XKR5: variants seen among roughly 807,000 people sequenced by gnomAD.
XKR5 encodes XK-related protein 5.
XKR5 carries 46 observed loss-of-function variants against 40.8 expected under a neutral mutation model. The observed-to-expected ratio is 1.13, with a 90% confidence interval of 0.89 to 1.44. XKR5 has a LOEUF of 1.44. XKR5 is among the 40% of genes most tolerant of loss of function. The pLI is 0.00. For synonymous variants in XKR5, 466 were observed against 356.1 expected (o/e 1.31, Z -3.48); for missense variants, 1,169 against 844.7 (o/e 1.38, Z -4.76).
chr8:6,813,454 G>C (rs143431369), intron 6 of XKR5, among the ~76,000 whole-genome samples: 6 of 152,306 alleles, frequency 3.9e-5, no homozygotes, highest in Non-Finnish European at 7.4e-5. Flanking sequence ...AGGCCATGTG[G>C]TTTGAGGGTT....
chr8:6,828,916 T>C (rs1157090039), intron 2 of XKR5, among the ~76,000 whole-genome samples: 1 of 152,216 alleles, frequency 6.6e-6, no homozygotes, highest in Non-Finnish European at 1.5e-5. Flanking sequence ...TCTTACCCTT[T>C]AGTCTCAAGA....
At chr8:6,827,656 C>T (rs1804572791) in intron 2 of XKR5, among the ~76,000 whole-genome samples, 1 of 152,138 alleles carries the variant, frequency 6.6e-6, no homozygotes, top group East Asian at 1.9e-4. Context: ...TGAGGGCAGG[C>T]AGTAGTTTTC....
intron 2 of XKR5, chr8:6,829,093 C>G (rs1398021481): frequency 6.5e-6 from 1 of 154,086 alleles, no homozygotes. Context: ...ACTGGGCCCT[C>G]CAGGGCTAGG....
At chr8:6,831,154 C>T (rs902745744) in intron 2 of XKR5, among the ~76,000 whole-genome samples, 1 of 152,184 alleles carries the variant, frequency 6.6e-6, no homozygotes, top group Non-Finnish European at 1.5e-5. Flanking sequence ...CCAAGTAAGA[C>T]CCAGAGCCCT....
At chr8:6,830,714 G>T (rs150688007) in intron 2 of XKR5, among the ~76,000 whole-genome samples, 2 of 152,036 alleles carry the variant, frequency 1.3e-5, no homozygotes, top group African/African-American at 4.8e-5. Context: ...ATGACTAATG[G>T]TTTTTCCTAA....
intron 2 of XKR5, among the ~76,000 whole-genome samples, chr8:6,825,712 G>C (rs533778417): frequency 6.6e-6 from 1 of 152,262 alleles, no homozygotes; most frequent in East Asian, 1.9e-4. Flanking sequence ...TCTTGGGATG[G>C]GAATTCATTT....
intron 6 of XKR5, among the ~76,000 whole-genome samples, chr8:6,814,738 C>T (rs967394891): frequency 3.9e-5 from 6 of 152,200 alleles, no homozygotes; most frequent in East Asian, 1.9e-4. Context: ...GGACCCGTGA[C>T]GTCTCATGAA....
chr8:6,820,785 G>A (rs1804197140), intron 5 of XKR5, among the ~76,000 whole-genome samples: 1 of 152,096 alleles, frequency 6.6e-6, no homozygotes, highest in Non-Finnish European at 1.5e-5. Flanking sequence ...TAGCCTGTGG[G>A]GTCACTGTGC....
intron 2 of XKR5, among the ~76,000 whole-genome samples, chr8:6,828,634 C>T (rs909908989): frequency 6.6e-6 from 1 of 152,164 alleles, no homozygotes; most frequent in Non-Finnish European, 1.5e-5. Flanking sequence ...GACATCTGTC[C>T]TCACAGTCGC....
At position 6,815,976 on chromosome 8, in the gene XKR5, C is replaced by G. The variant is rs995536639; in HGVS notation, c.808-58G>C. On this transcript the variant is annotated intron_variant, in intron 5 of 6. Transcript: ENST00000618742. The stretch of plus-strand genomic sequence containing the variant: ...GTCAGGTGCACACTGCCTAGGGACC[C>G]CCGTCCCGTGAGTCTGCAGCGGCTC... 20 of 1,361,482 alleles carry G rather than the reference C, an allele frequency of 1.5e-5. No individual in the cohort carries two copies. In the Admixed American group the frequency reaches 3.7e-4, roughly 26 times the overall value. 84.3% of individuals were successfully genotyped at this position (1,361,482 alleles called of 1,614,324 possible). A position where few individuals can be genotyped will look rare whatever the true frequency, so the allele number is the denominator to read the frequency against.
intron 6 of XKR5, among the ~76,000 whole-genome samples, chr8:6,813,929 G>A (rs997967162): frequency 6.6e-6 from 1 of 152,176 alleles, no homozygotes; most frequent in East Asian, 1.9e-4. Context: ...AGTAGATGAG[G>A]GGACATTTTC....
intron 5 of XKR5, among the ~76,000 whole-genome samples, chr8:6,821,436 C>T (rs1352024398): frequency 1.3e-5 from 2 of 152,144 alleles, no homozygotes; most frequent in East Asian, 1.9e-4. Context: ...CTACGGGACT[C>T]AAAGCAATCT....
At chr8:6,834,570 C>T (rs1265401465) in intron 1 of XKR5, among the ~76,000 whole-genome samples, 1 of 152,234 alleles carries the variant, frequency 6.6e-6, no homozygotes, top group Non-Finnish European at 1.5e-5. Context: ...CTTGCGCGTC[C>T]TCCGTGTGCG....
chr8:6,819,851 CT>C (rs35869977), intron 5 of XKR5, among the ~76,000 whole-genome samples: 55,734 of 145,310 alleles, frequency 0.38, 11,099 homozygotes, highest in East Asian at 0.6. Context: ...CCCTACCTTC[CT>C]TTCCTTCCTT....
Position 6,835,473 on chromosome 8 carries a change from C to A in XKR5, c.21G>T (p.Gly7=), listed in dbSNP as rs1291792369. The A allele has an allele frequency of 6.7e-7, 1 of 1,502,458 alleles. No homozygotes were observed. The highest frequency in any genetic ancestry group is 2.1e-5 in the Admixed American group (1 of 47,132). The allele number at this position is 1,502,458 out of a possible 1,614,324, so 93.1% of individuals were successfully genotyped here. Residue 7 remains glycine, a synonymous_variant, in exon 1 of 7, where the codon GGG becomes GGT. Transcript: ENST00000618742. ...CGGCCGCCTGCAGCAGGGCCGAGAG[C>A]CCCAGGAGCCTCGCGTGCATCTTCC... MHARLL[G]LSALLQAAEQ...
At chr8:6,826,727 G>C (rs1804502587) in intron 2 of XKR5, among the ~76,000 whole-genome samples, 1 of 152,144 alleles carries the variant, frequency 6.6e-6, no homozygotes, top group Non-Finnish European at 1.5e-5. Flanking sequence ...AGAAGAGACT[G>C]TGTGAAGACA....
intron 1 of XKR5, among the ~76,000 whole-genome samples, chr8:6,834,721 C>G (rs1804931662): frequency 6.6e-6 from 1 of 152,172 alleles, no homozygotes; most frequent in South Asian, 2.1e-4. Flanking sequence ...GCAGGGAGCC[C>G]GGCGGAAGTG....
At chr8:6,818,510 C>T (rs1442577127) in intron 5 of XKR5, among the ~76,000 whole-genome samples, 1 of 152,226 alleles carries the variant, frequency 6.6e-6, no homozygotes, top group East Asian at 1.9e-4. Context: ...TGTGAATAAA[C>T]CCATAACGGG....
At chr8:6,830,596 T>A (rs1026223051) in intron 2 of XKR5, among the ~76,000 whole-genome samples, 4 of 152,264 alleles carry the variant, frequency 2.6e-5, no homozygotes, top group African/African-American at 9.6e-5. Context: ...TAACATTTCA[T>A]CTCGATACCT....
Sources: gnomAD v4.1 joint callset for allele counts (sites outside exome capture counted in the v4.1 genomes callset) on GRCh38, gnomAD v4.1.1 for gene constraint, MANE v1.5 for transcripts, NCBI Gene and HGNC (gene_info 2026-07-23, HGNC 2026-07-21) for gene names.